Variants in PITRM1 observed in about 807,000 individuals in gnomAD.
PITRM1 encodes presequence protease, mitochondrial.
A neutral mutation model predicts 129.9 loss-of-function variants in PITRM1; 100 were observed. The ratio of observed to expected loss-of-function variants is 0.77; its 90% confidence interval spans 0.65 to 0.91. The LOEUF is 0.91. Ranked by LOEUF, PITRM1 falls within the 40% of genes least tolerant of loss-of-function variation. PITRM1 has a pLI of 0.00. For missense variants in PITRM1, 1,471 were observed against 1,318.3 expected, an observed-to-expected ratio of 1.12 and a Z score of -1.79; for synonymous variants, 591 against 508.8, an observed-to-expected ratio of 1.16 and a Z score of -2.17.
At chr10:3,153,381 A>C (rs747142593) in intron 14 of PITRM1, among the ~76,000 whole-genome samples, 13 of 152,244 alleles carry the variant, frequency 8.5e-5, no homozygotes, top group African/African-American at 1.2e-4. Flanking sequence ...CTTGTCACAA[A>C]ACAGAGCTTA....
At chr10:3,160,438 C>T in intron 7 of PITRM1, 108 bp from the exon 8 acceptor site, 1 of 909,290 alleles carries the variant, frequency 1.1e-6, no homozygotes, top group Non-Finnish European at 1.7e-6. Flanking sequence ...TACCCAAGGT[C>T]TCGCCTTTCG....
chr10:3,138,455 A>T, intron 25 of PITRM1, 118 bp from the exon 26 acceptor site: 1 of 723,726 alleles, frequency 1.4e-6, no homozygotes. Context: ...TGCATGTTTC[A>T]ACCACAGGGA....
In PITRM1 at chr10:3,166,258, G is replaced by C. The variant is rs1159801661; in HGVS notation, c.389C>G (p.Ser130Cys). The C allele has an allele frequency of 6.2e-7, 1 of 1,613,164 alleles. No individual in the cohort carries two copies. Among genetic ancestry groups the C allele is most frequent in the South Asian group, 1.1e-5 (1 of 91,002 alleles). ...GAAGGCGTTCATGAACGTGGAGAGG[G>C]ACCGGTTCAACATTTTGAAGAAAGG... The part of the protein sequence containing the change: ...RDPFFKMLNR[S>C]LSTFMNAFTA... Residue 130 changes from serine (S) to cysteine (C), a missense_variant, in exon 4 of 27, where the codon TCC becomes TGC. Coordinates refer to ENST00000224949, the MANE Select transcript of PITRM1 (RefSeq NM_014889.4).
At chr10:3,149,988 TCTGGTCTCATAA>T (rs1841343116) in intron 15 of PITRM1, among the ~76,000 whole-genome samples, 1 of 151,998 alleles carries the variant, frequency 6.6e-6, no homozygotes, top group Non-Finnish European at 1.5e-5. Context: ...ACCACGAACT[TCTGGTCTCATAA>T]CTGCGAGTTC....
intron 16 of PITRM1, 104 bp from the exon 17 acceptor site, chr10:3,148,395 A>C: frequency 7.0e-7 from 1 of 1,424,906 alleles, no homozygotes; most frequent in Admixed American, 2.2e-5. Flanking sequence ...TAATTCAATA[A>C]CTGCGGCTTT....
In PITRM1 at chr10:3,152,095, T is replaced by C. The variant is rs111362184; in HGVS notation, c.1622-732A>G. On this transcript the variant is annotated intron_variant, in intron 14 of 26. Transcript: ENST00000224949. ...ATTTTCACTAATTTCAGCAAAAGAC[T>C]TACACAAGCACATAAATCACACAAA... Among the ~76,000 whole-genome samples, 729 of 152,198 alleles carry C rather than the reference T, an allele frequency of 4.8e-3. 6 individuals are homozygous for C. Among genetic ancestry groups the C allele is most frequent in the African/African-American group, 0.017 (689 of 41,506 alleles).
chr10:3,148,275 G>C lies in PITRM1; in HGVS notation c.1888C>G (p.Leu630Val). The C allele has an allele frequency of 6.2e-7, 1 of 1,612,384 alleles. No homozygotes were observed. The highest frequency in any genetic ancestry group is 8.5e-7 in the Non-Finnish European group (1 of 1,179,030). The change falls in exon 17 of 27, where the codon CTT becomes GTT. Residue 630 changes from leucine (L) to valine (V), a missense_variant. Coordinates refer to ENST00000224949, the MANE Select transcript of PITRM1 (RefSeq NM_014889.4). ...TGCTGAGCCTGCTCCCGGTAGTCAA[G>C]AAGGCCGCAGCCCAGCCTGACACAG... ...SVLTKLGCGLLDYREQAQQIE... is the reference protein window; with the variant it reads ...SVLTKLGCGLVDYREQAQQIE...
chr10:3,146,928 T>C (rs149050201), intron 20 of PITRM1: 12 of 351,042 alleles, frequency 3.4e-5, no homozygotes, highest in African/African-American at 1.3e-4. Context: ...CTCAATCTAT[T>C]TGCACTTCTA....
intron 7 of PITRM1, among the ~76,000 whole-genome samples, 168 bp from the exon 8 acceptor site, chr10:3,160,498 G>A (rs1055096942): frequency 1.8e-4 from 27 of 152,134 alleles, no homozygotes; most frequent in East Asian, 1.2e-3. Context: ...ACGGTACTTC[G>A]AGAGACCAAA....
intron 21 of PITRM1, 44 bp downstream of exon 21, chr10:3,145,552 C>T (rs976566056): frequency 4.6e-6 from 7 of 1,529,372 alleles, no homozygotes; most frequent in African/African-American, 4.1e-5. Context: ...GCTGCTCTGG[C>T]ACCCACCAGG....
intron 21 of PITRM1, 137 bp from the exon 22 acceptor site, chr10:3,144,503 C>A: frequency 1.7e-6 from 1 of 581,572 alleles, no homozygotes. Flanking sequence ...ATAATAAACG[C>A]TTAAAAAAAA....
intron 18 of PITRM1, 88 bp from the exon 19 acceptor site, chr10:3,147,825 A>C: frequency 1.5e-6 from 2 of 1,312,734 alleles, no homozygotes; most frequent in South Asian, 2.9e-5. Context: ...TTTTCAGAGT[A>C]CTTTAACAAC....
At chr10:3,171,534 C>T (rs1843358083) in intron 1 of PITRM1, among the ~76,000 whole-genome samples, 1 of 152,124 alleles carries the variant, frequency 6.6e-6, no homozygotes, top group Non-Finnish European at 1.5e-5. Context: ...ACCTCCACCT[C>T]CCGGGTTCAA....
At chr10:3,158,814 G>T in intron 10 of PITRM1, 100 bp downstream of exon 10, 1 of 1,146,526 alleles carries the variant, frequency 8.7e-7, no homozygotes, top group Non-Finnish European at 1.3e-6. Context: ...AAATGTTCCA[G>T]ACACTGTCAA....
At chr10:3,161,627 C>G (rs1028051284) in intron 7 of PITRM1, among the ~76,000 whole-genome samples, 6 of 147,516 alleles carry the variant, frequency 4.1e-5, no homozygotes, top group African/African-American at 1.5e-4. Flanking sequence ...GGGAAACAGA[C>G]AGTTGAACCT....
intron 18 of PITRM1, 46 bp from the exon 19 acceptor site, chr10:3,147,783 C>A (rs1342058773): frequency 6.6e-7 from 1 of 1,506,714 alleles, no homozygotes; most frequent in East Asian, 2.3e-5. Flanking sequence ...CCATTCCTCA[C>A]GTCCCTTCAG....
chr10:3,170,631 G>A (rs1260218704), intron 1 of PITRM1, among the ~76,000 whole-genome samples: 3 of 152,082 alleles, frequency 2.0e-5, no homozygotes, highest in African/African-American at 7.3e-5. Flanking sequence ...TAATATTACC[G>A]GGAACTCTCA....
rs758941879 is a variant in PITRM1, at chr10:3,149,744, A to G, written c.1748T>C (p.Ile583Thr). Reference sequence around the variant, plus strand: ...GGGCTGGGCGCAGTACTGAACAGGGATATCTCCAGCTAGAAAAACAAAAGG... The same window carrying G: ...GGGCTGGGCGCAGTACTGAACAGGGGTATCTCCAGCTAGAAAAACAAAAGG... The part of the protein sequence containing the change: ...ELDVVLTAGD[I>T]PVQYCAQPTN... Residue 583 changes from isoleucine (I) to threonine (T), a missense_variant, in exon 16 of 27, where the codon ATC becomes ACC. Transcript: ENST00000224949. The G allele has an allele frequency of 1.9e-6, 3 of 1,613,782 alleles. No individual in the cohort carries two copies. Among genetic ancestry groups the G allele is most frequent in the Non-Finnish European group, 1.7e-6 (2 of 1,179,830 alleles).
chr10:3,154,343 C>G (rs1841787197), intron 14 of PITRM1, among the ~76,000 whole-genome samples: 2 of 152,322 alleles, frequency 1.3e-5, no homozygotes, highest in South Asian at 2.1e-4. Flanking sequence ...CTTTCCTGGT[C>G]CGTGCATGTT....
Sources: gnomAD v4.1 joint callset for allele counts (sites outside exome capture counted in the v4.1 genomes callset) on GRCh38, gnomAD v4.1.1 for gene constraint, MANE v1.5 for transcripts, NCBI Gene and HGNC (gene_info 2026-07-23, HGNC 2026-07-21) for gene names.